Variants in NRG3 observed in about 807,000 individuals in gnomAD.
The protein encoded by NRG3 is pro-neuregulin-3, membrane-bound isoform.
In NRG3, 31 loss-of-function variants were observed where a neutral mutation model predicts 66.9. The observed-to-expected ratio is 0.46, with a 90% CI of 0.35 to 0.63. The LOEUF (loss-of-function observed/expected upper bound fraction) is 0.63, where lower values mean the gene tolerates loss of function less well. Ranked by LOEUF, NRG3 falls within the 20% of genes least tolerant of loss-of-function variation. The probability of loss-of-function intolerance (pLI) is 0.00; values close to 1 mark genes in which losing one functional copy is unlikely to be tolerated. For missense variants in NRG3, 910 were observed against 878.9 expected (o/e 1.04, Z -0.45); for synonymous variants, 393 against 359.4 (o/e 1.09, Z -1.06).
chr10:82,676,180 A>G (rs1035202814), intron 2 of NRG3, among the ~76,000 whole-genome samples: 6 of 152,218 alleles, frequency 3.9e-5, no homozygotes, highest in Admixed American at 1.3e-4. Context: ...AATCAACAGA[A>G]AAAAGTCCCA....
chr10:82,121,926 T>C (rs1347852112), intron 1 of NRG3, among the ~76,000 whole-genome samples: 2 of 152,150 alleles, frequency 1.3e-5, no homozygotes, highest in Non-Finnish European at 2.9e-5. Flanking sequence ...GCATGAGCCA[T>C]CATGGCTGTC....
At chr10:82,060,969 C>T (rs2064111170) in intron 1 of NRG3, among the ~76,000 whole-genome samples, 1 of 152,182 alleles carries the variant, frequency 6.6e-6, no homozygotes, top group Admixed American at 6.5e-5. Flanking sequence ...CTCCCAGGCC[C>T]ACCACTGCCA....
intron 2 of NRG3, among the ~76,000 whole-genome samples, chr10:82,646,111 A>G (rs751849433): frequency 4.6e-5 from 7 of 152,122 alleles, no homozygotes; most frequent in Non-Finnish European, 8.8e-5. Flanking sequence ...ACAAGTATGT[A>G]TTATTGGGGA....
rs1339423452 is a variant in NRG3, at chr10:82,813,632, C to T, written c.1028-51779C>T. ...AAAGATCTTTATTTACACTTTTACA[C>T]CTTTATTTGTATTATCAACAATATG... On this transcript the variant is annotated intron_variant, in intron 3 of 8. Transcript: ENST00000372141. Among the ~76,000 whole-genome samples, 4 of 152,140 alleles carry T rather than the reference C, an allele frequency of 2.6e-5. No homozygotes were observed. The East Asian group carries it at 7.7e-4, about 29-fold the overall frequency.
intron 1 of NRG3, among the ~76,000 whole-genome samples, chr10:82,015,902 A>T (rs377668388): frequency 6.6e-6 from 1 of 151,654 alleles, no homozygotes; most frequent in African/African-American, 2.4e-5. Flanking sequence ...CACATGTAAA[A>T]TGATGAACAT....
intron 1 of NRG3, among the ~76,000 whole-genome samples, chr10:82,191,316 G>A (rs964764142): frequency 1.3e-5 from 2 of 152,094 alleles, no homozygotes; most frequent in African/African-American, 4.8e-5. Context: ...ATGATATAAT[G>A]TCAGCTCAGG....
intron 1 of NRG3, among the ~76,000 whole-genome samples, chr10:82,227,255 T>C (rs2133839314): frequency 6.6e-6 from 1 of 152,240 alleles, no homozygotes; most frequent in South Asian, 2.1e-4. Context: ...GGATCTTGCA[T>C]TAATGACTTT....
intron 2 of NRG3, among the ~76,000 whole-genome samples, chr10:82,368,962 G>A (rs767423556): frequency 6.5e-5 from 9 of 138,300 alleles, no homozygotes; most frequent in South Asian, 4.3e-4. Flanking sequence ...GGAATTTGCC[G>A]TGTCCTTCTG....
chr10:82,301,911 A>G (rs2080426713), intron 1 of NRG3, among the ~76,000 whole-genome samples: 1 of 151,878 alleles, frequency 6.6e-6, no homozygotes, highest in Admixed American at 6.6e-5. Flanking sequence ...TTTGGAAATA[A>G]CAAATGGCTT....
At chr10:82,405,455 TTTG>T (rs896830481) in intron 2 of NRG3, among the ~76,000 whole-genome samples, 1 of 63,334 alleles carries the variant, frequency 1.6e-5, no homozygotes, top group Non-Finnish European at 2.6e-5. Context: ...ATCTCAGTAG[TTTG>T]TTTTTTTTTT....
intron 3 of NRG3, among the ~76,000 whole-genome samples, chr10:82,789,135 T>A (rs1160972914): frequency 2.0e-5 from 3 of 152,140 alleles, no homozygotes; most frequent in African/African-American, 7.2e-5. Context: ...GAATTCAATT[T>A]TCTTCATATT....
intron 1 of NRG3, among the ~76,000 whole-genome samples, chr10:82,187,726 G>T (rs1349498430): frequency 1.3e-5 from 2 of 152,078 alleles, no homozygotes; most frequent in African/African-American, 4.8e-5. Flanking sequence ...GTGAAGAGTG[G>T]CTGGGCCAGT....
At chr10:82,302,330 C>T (rs992122011) in intron 1 of NRG3, among the ~76,000 whole-genome samples, 4 of 152,050 alleles carry the variant, frequency 2.6e-5, no homozygotes, top group Non-Finnish European at 5.9e-5. Flanking sequence ...ACAATTTAAA[C>T]GTCCATTCCT....
chr10:82,042,081 T>C (rs913983914), intron 1 of NRG3, among the ~76,000 whole-genome samples: 1 of 151,986 alleles, frequency 6.6e-6, no homozygotes, highest in Non-Finnish European at 1.5e-5. Context: ...TGAGATACAG[T>C]GCAATAGAGG....
intron 1 of NRG3, among the ~76,000 whole-genome samples, chr10:81,938,954 G>A (rs185147692): frequency 3.1e-4 from 47 of 151,968 alleles, no homozygotes; most frequent in South Asian, 6.2e-4. Flanking sequence ...TTTGTTGAGC[G>A]TTTTTATCAT....
chr10:82,685,162 C>T (rs1403745135), intron 2 of NRG3, among the ~76,000 whole-genome samples: 2 of 152,276 alleles, frequency 1.3e-5, no homozygotes, highest in Admixed American at 1.3e-4. Context: ...TAACCACACC[C>T]TCATCTCCAA....
intron 1 of NRG3, among the ~76,000 whole-genome samples, chr10:82,176,658 A>G (rs1451334498): frequency 1.3e-5 from 2 of 151,956 alleles, no homozygotes; most frequent in Non-Finnish European, 2.9e-5. Context: ...TCTGCACTCT[A>G]CAGGAGAAGC....
Position 82,374,836 on chromosome 10 carries a change from G to A in NRG3, c.953+15968G>A, listed in dbSNP as rs116521502. 1.3e-3 allele frequency among the ~76,000 whole-genome samples: 197 copies of A among 152,264 alleles called. 2 individuals are homozygous for A. The highest frequency in any genetic ancestry group is 4.7e-3 in the African/African-American group (196 of 41,570). On this transcript the variant is annotated intron_variant, in intron 2 of 8. Transcript: ENST00000372141. ...TGTGCAGCCCAGCAATTATGCCAGA[G>A]CAAGCTTTCCTGCATACCCTTGTAA...
chr10:82,363,024 C>T (rs2084287345), intron 2 of NRG3, among the ~76,000 whole-genome samples: 1 of 152,126 alleles, frequency 6.6e-6, no homozygotes, highest in Non-Finnish European at 1.5e-5. Flanking sequence ...AAATTAACAA[C>T]TTTGACACAG....
Sources: gnomAD v4.1 joint callset for allele counts (sites outside exome capture counted in the v4.1 genomes callset) on GRCh38, gnomAD v4.1.1 for gene constraint, MANE v1.5 for transcripts, NCBI Gene and HGNC (gene_info 2026-07-23, HGNC 2026-07-21) for gene names.